Variants in TRPM3 observed in about 807,000 individuals in gnomAD.
The protein encoded by TRPM3 is long transient receptor potential channel 3.
Under a neutral mutation model 181.2 loss-of-function variants are expected in TRPM3, and 77 were observed. The observed-to-expected ratio is 0.42, with a 90% confidence interval of 0.35 to 0.51. The LOEUF (loss-of-function observed/expected upper bound fraction) is 0.51, where lower values mean the gene tolerates loss of function less well. Ranked by LOEUF, TRPM3 falls within the 20% of genes least tolerant of loss-of-function variation. The pLI is 0.01. For synonymous variants in TRPM3, 745 were observed against 796.4 expected (o/e 0.94, Z 1.09); for missense variants, 1,759 against 2,196.7 (o/e 0.80, Z 3.98).
rs78650358 is a variant in TRPM3, at chr9:71,079,293, C to G, written c.177+41885G>C. On this transcript the variant is annotated intron_variant, in intron 1 of 25. Transcript: ENST00000677713. ...AAAGTACCTCAGTTTGATCTATGGA[C>G]AGTGGCAAGTTGCAGTTTAGAGTGA... 1.3e-4 allele frequency among the ~76,000 whole-genome samples: 20 copies of G among 152,290 alleles called. No homozygotes were observed. The East Asian group carries it at 3.9e-3, about 29-fold the overall frequency.
intron 1 of TRPM3, among the ~76,000 whole-genome samples, chr9:71,303,431 G>C (rs1235679164): frequency 6.6e-6 from 1 of 152,148 alleles, no homozygotes; most frequent in Non-Finnish European, 1.5e-5. Flanking sequence ...TTGAACACTG[G>C]TAAATGAAGG....
intron 7 of TRPM3, among the ~76,000 whole-genome samples, chr9:70,764,807 A>C (rs1236926235): frequency 6.6e-6 from 1 of 152,142 alleles, no homozygotes; most frequent in Non-Finnish European, 1.5e-5. Flanking sequence ...TTCTTTTTCC[A>C]TCCTTCTGAT....
intron 1 of TRPM3, among the ~76,000 whole-genome samples, chr9:70,906,288 G>C (rs143034943): frequency 6.6e-6 from 1 of 152,044 alleles, no homozygotes; most frequent in African/African-American, 2.4e-5. Flanking sequence ...GAAAATAAAT[G>C]AGGAGGGATG....
chr9:70,659,640 C>A (rs1160374219), intron 9 of TRPM3, among the ~76,000 whole-genome samples: 1 of 152,038 alleles, frequency 6.6e-6, no homozygotes, highest in Non-Finnish European at 1.5e-5. Context: ...TATAGTATAC[C>A]TGTTGTTAGA....
At chr9:70,920,654 G>A (rs532228203) in intron 1 of TRPM3, among the ~76,000 whole-genome samples, 2 of 152,108 alleles carry the variant, frequency 1.3e-5, no homozygotes, top group Admixed American at 1.3e-4. Flanking sequence ...CTCCCAGCAT[G>A]AATAATGAAA....
intron 1 of TRPM3, among the ~76,000 whole-genome samples, chr9:71,428,983 A>G (rs1047526882): frequency 3.4e-5 from 5 of 148,064 alleles, no homozygotes; most frequent in South Asian, 2.1e-4. Flanking sequence ...CAGGCTTTTT[A>G]TCTAGATATA....
At chr9:70,635,962 C>T (rs1386312872) in intron 11 of TRPM3, among the ~76,000 whole-genome samples, 4 of 152,122 alleles carry the variant, frequency 2.6e-5, no homozygotes, top group African/African-American at 9.7e-5. Context: ...CCATTGACCG[C>T]ACTGGAAATA....
chr9:70,856,688 G>C (rs1350380237), intron 3 of TRPM3, among the ~76,000 whole-genome samples: 1 of 152,084 alleles, frequency 6.6e-6, no homozygotes, highest in Non-Finnish European at 1.5e-5. Context: ...TATATAGTTA[G>C]AGCTTTAAGT....
intron 1 of TRPM3, among the ~76,000 whole-genome samples, chr9:71,403,630 G>A (rs2093383112): frequency 6.6e-6 from 1 of 152,030 alleles, no homozygotes; most frequent in Non-Finnish European, 1.5e-5. Flanking sequence ...CTTGATGAAT[G>A]AGCAAACAAA....
chr9:71,260,064 G>T (rs1247783089), intron 1 of TRPM3, among the ~76,000 whole-genome samples: 1 of 152,176 alleles, frequency 6.6e-6, no homozygotes, highest in Non-Finnish European at 1.5e-5. Flanking sequence ...TGTATAAAGT[G>T]TAAGGAAGGG....
At chr9:71,121,711 G>A (rs2073674201), upstream of TRPM3, 1 of 921,488 alleles carries the variant, frequency 1.1e-6, no homozygotes, top group Non-Finnish European at 1.3e-6. Flanking sequence ...TTGGTTTGGG[G>A]GGGAGCCAGG....
intron 1 of TRPM3, among the ~76,000 whole-genome samples, chr9:70,905,360 C>T (rs1014019426): frequency 3.9e-5 from 6 of 152,162 alleles, no homozygotes; most frequent in East Asian, 3.8e-4. Context: ...ATTCCCTAAA[C>T]GAATGTAATG....
intron 18 of TRPM3, among the ~76,000 whole-genome samples, chr9:70,611,510 A>ATGAT (rs903839896): frequency 6.6e-6 from 1 of 152,056 alleles, no homozygotes; most frequent in African/African-American, 2.4e-5. Flanking sequence ...GCCTTCCACC[A>ATGAT]TGATTGTGAG....
At chr9:71,399,535 T>G (rs1373553538) in intron 1 of TRPM3, among the ~76,000 whole-genome samples, 2 of 130,910 alleles carry the variant, frequency 1.5e-5, no homozygotes, top group East Asian at 2.6e-4. Flanking sequence ...TGTTTTTTTT[T>G]TTTTTTTTTT....
chr9:71,343,431 T>C (rs1029911272), intron 1 of TRPM3, among the ~76,000 whole-genome samples: 2 of 152,050 alleles, frequency 1.3e-5, no homozygotes, highest in African/African-American at 4.8e-5. Context: ...TGTAGTGGCA[T>C]GGGGTGGCCA....
At chr9:71,195,948 G>A (rs892443462) in intron 1 of TRPM3, among the ~76,000 whole-genome samples, 1 of 151,920 alleles carries the variant, frequency 6.6e-6, no homozygotes, top group Non-Finnish European at 1.5e-5. Flanking sequence ...CACACACTGG[G>A]GCCTACCAGA....
At chr9:70,864,538 A>AAAAAAAG in intron 1 of TRPM3, 27 bp from the exon 2 acceptor site, 15 of 1,433,860 alleles carry the variant, frequency 1.0e-5, no homozygotes, top group Middle Eastern at 2.5e-4. Context: ...AAAAAAAAAA[A>AAAAAAAG]AAAGAAAAAA....
intron 1 of TRPM3, among the ~76,000 whole-genome samples, chr9:71,211,346 CTTTTA>C (rs1365050431): frequency 3.6e-5 from 5 of 138,640 alleles, no homozygotes; most frequent in Non-Finnish European, 7.7e-5. Flanking sequence ...TGTTACTGTT[CTTTTA>C]TATGATTGTG....
Position 71,366,401 on chromosome 9 carries a change from G to A in TRPM3, c.183+80252C>T, listed in dbSNP as rs148352450. On this transcript the variant is annotated intron_variant, in intron 1 of 24. Coordinates refer to the TRPM3 transcript ENST00000357533. ...TATGCATTGGCCAAGGAAGGGAGAG[G>A]CCCTGTTGAGCTCTCAGCAGCCCTG... Among the ~76,000 whole-genome samples, 460 of 152,078 alleles carry A rather than the reference G, an allele frequency of 3.0e-3. 3 individuals carry two copies. Among genetic ancestry groups the A allele is most frequent in the African/African-American group, 0.011 (439 of 41,472 alleles).
Sources: gnomAD v4.1 joint callset for allele counts (sites outside exome capture counted in the v4.1 genomes callset) on GRCh38, gnomAD v4.1.1 for gene constraint, MANE v1.5 for transcripts, NCBI Gene and HGNC (gene_info 2026-07-23, HGNC 2026-07-21) for gene names.